The following LIN52 variants were observed in gnomAD, a reference collection of about 807,000 sequenced individuals.
LIN52 encodes protein lin-52 homolog.
In LIN52, 4 loss-of-function variants were observed where a neutral mutation model predicts 18.5. The observed-to-expected ratio is 0.22, with a 90% CI of 0.11 to 0.49. LIN52 has a LOEUF of 0.49. Ranked by LOEUF, LIN52 falls within the 20% of genes least tolerant of loss-of-function variation. The pLI is 0.97. For missense variants in LIN52, 102 were observed against 139.5 expected, an observed-to-expected ratio of 0.73 and a Z score of 1.35; for synonymous variants, 34 against 45.5, an observed-to-expected ratio of 0.75 and a Z score of 1.02.
At chr14:74,111,910 C>T (rs985397848) in intron 5 of LIN52, among the ~76,000 whole-genome samples, 6 of 150,412 alleles carry the variant, frequency 4.0e-5, no homozygotes, top group Admixed American at 6.6e-5. Context: ...GATGGAGTTT[C>T]GCTCTTGTCG....
At chr14:74,183,440 T>C (rs2061327894) in intron 5 of LIN52, among the ~76,000 whole-genome samples, 1 of 152,142 alleles carries the variant, frequency 6.6e-6, no homozygotes, top group South Asian at 2.1e-4. Flanking sequence ...TCCATCTATT[T>C]CCAGGCCAAT....
At chr14:74,125,810 T>A (rs2061026286) in intron 5 of LIN52, among the ~76,000 whole-genome samples, 1 of 145,982 alleles carries the variant, frequency 6.9e-6, no homozygotes, top group Non-Finnish European at 1.5e-5. Flanking sequence ...ACACCGCATG[T>A]TCTCACTCAT....
intron 5 of LIN52, among the ~76,000 whole-genome samples, chr14:74,169,229 T>G (rs2061261411): frequency 6.6e-6 from 1 of 152,230 alleles, no homozygotes; most frequent in African/African-American, 2.4e-5. Context: ...CATTTCTTTT[T>G]CTACTGTTTC....
chr14:74,152,424 A>G (rs545786739), intron 5 of LIN52, among the ~76,000 whole-genome samples: 1 of 152,260 alleles, frequency 6.6e-6, no homozygotes, highest in East Asian at 1.9e-4. Flanking sequence ...AATAGCCATC[A>G]TTATGAGTAC....
intron 4 of LIN52, among the ~76,000 whole-genome samples, chr14:74,100,812 T>A (rs1442118845): frequency 6.6e-6 from 1 of 152,144 alleles, no homozygotes; most frequent in African/African-American, 2.4e-5. Context: ...TGAGGTATCA[T>A]TGCCCAGGCT....
chr14:74,101,927 C>T (rs566933846), intron 5 of LIN52, among the ~76,000 whole-genome samples: 9 of 152,210 alleles, frequency 5.9e-5, no homozygotes, highest in East Asian at 5.8e-4. Context: ...CATGTACCAC[C>T]GTGCCTGGGT....
intron 4 of LIN52, among the ~76,000 whole-genome samples, chr14:74,099,125 A>G (rs17096297): frequency 0.01 from 1,561 of 152,304 alleles, 31 homozygotes; most frequent in African/African-American, 0.036. Context: ...TTATTTTATC[A>G]TCCTTCTGGT....
chr14:74,102,029 C>T lies in LIN52; in HGVS notation c.283+791C>T, dbSNP rs576417669. Among the ~76,000 whole-genome samples the T allele has an allele frequency of 7.2e-5, 11 of 152,246 alleles. No homozygotes were observed. In the South Asian group the frequency reaches 2.3e-3, roughly 32 times the overall value. ...GGTTTAAGTGATCTTCCTGCCTCAG[C>T]CTTCCAAAGTGCTGGGATTATGAAC... On this transcript the variant is annotated intron_variant, in intron 5 of 5. Transcript: ENST00000555028.
intron 5 of LIN52, among the ~76,000 whole-genome samples, chr14:74,187,743 CA>C (rs2061347210): frequency 6.6e-6 from 1 of 152,102 alleles, no homozygotes; most frequent in Admixed American, 6.6e-5. Flanking sequence ...AATGTAATAG[CA>C]AAAACATTGT....
chr14:74,196,421 G>C (rs1298190845), intron 5 of LIN52, among the ~76,000 whole-genome samples: 1 of 152,192 alleles, frequency 6.6e-6, no homozygotes, highest in Non-Finnish European at 1.5e-5. Context: ...GAGCAATGCA[G>C]TGCTCCAGGC....
At chr14:74,150,926 G>A (rs576042108) in intron 5 of LIN52, among the ~76,000 whole-genome samples, 6 of 152,130 alleles carry the variant, frequency 3.9e-5, no homozygotes, top group Non-Finnish European at 8.8e-5. Context: ...TTCTTGAGCA[G>A]GCCTTATATA....
chr14:74,178,114 G>A (rs1214436489), intron 5 of LIN52, among the ~76,000 whole-genome samples: 2 of 152,078 alleles, frequency 1.3e-5, no homozygotes, highest in Non-Finnish European at 2.9e-5. Context: ...ATAGATTTTT[G>A]TTTCGTTTTT....
intron 5 of LIN52, among the ~76,000 whole-genome samples, chr14:74,133,052 A>G (rs1341935110): frequency 6.6e-6 from 1 of 152,158 alleles, no homozygotes; most frequent in African/African-American, 2.4e-5. Context: ...AGGGCTCAAA[A>G]TTTCAAAATC....
chr14:74,115,116 T>C (rs908018847), intron 5 of LIN52, among the ~76,000 whole-genome samples: 7 of 152,218 alleles, frequency 4.6e-5, no homozygotes, highest in African/African-American at 1.7e-4. Flanking sequence ...ATAAGCGACA[T>C]TGGATTATAT....
intron 2 of LIN52, 36 bp downstream of exon 2, chr14:74,091,342 A>G: frequency 2.3e-6 from 3 of 1,300,564 alleles, no homozygotes; most frequent in South Asian, 1.3e-5. Context: ...GAGTCAATGC[A>G]GGAGAAACAA....
At chr14:74,172,451 A>G (rs1371188163) in intron 5 of LIN52, among the ~76,000 whole-genome samples, 1 of 152,216 alleles carries the variant, frequency 6.6e-6, no homozygotes, top group East Asian at 1.9e-4. Flanking sequence ...TTAAGTAATA[A>G]TACATGTTAA....
At chr14:74,141,463 A>G (rs2139953418) in intron 5 of LIN52, among the ~76,000 whole-genome samples, 1 of 152,358 alleles carries the variant, frequency 6.6e-6, no homozygotes, top group African/African-American at 2.4e-5. Flanking sequence ...CTCTTTGTAG[A>G]TAGTTTGACT....
chr14:74,100,551 C>G (rs553631826), intron 4 of LIN52, among the ~76,000 whole-genome samples: 52 of 152,210 alleles, frequency 3.4e-4, no homozygotes, highest in Non-Finnish European at 6.5e-4. Flanking sequence ...TCTCAGCTGT[C>G]TGCAACCTTT....
chr14:74,190,606 G>A (rs1358156390), intron 5 of LIN52, among the ~76,000 whole-genome samples: 1 of 151,794 alleles, frequency 6.6e-6, no homozygotes, highest in Admixed American at 6.6e-5. Flanking sequence ...TGCCCAGGCT[G>A]GTCTCAAACT....
Sources: gnomAD v4.1 joint callset for allele counts (sites outside exome capture counted in the v4.1 genomes callset) on GRCh38, gnomAD v4.1.1 for gene constraint, MANE v1.5 for transcripts, NCBI Gene and HGNC (gene_info 2026-07-23, HGNC 2026-07-21) for gene names.